TLN2: variants seen among roughly 807,000 people sequenced by gnomAD.
The protein encoded by TLN2 is talin 2, also known as talin-2.
In TLN2, 118 loss-of-function variants were observed where a neutral mutation model predicts 294.7. The ratio of observed to expected loss-of-function variants is 0.40; its 90% CI spans 0.34 to 0.47. The LOEUF is 0.47. TLN2 is among the 20% of genes least tolerant of loss of function. The probability of loss-of-function intolerance (pLI) is 0.84; values close to 1 mark genes in which losing one functional copy is unlikely to be tolerated. For synonymous variants in TLN2, 1,431 were observed against 1,304.5 expected (o/e 1.10, Z -2.09); for missense variants, 3,083 against 3,282.2 (o/e 0.94, Z 1.48).
intron 12 of TLN2, among the ~76,000 whole-genome samples, chr15:62,688,416 A>G (rs1403831217): frequency 2.6e-5 from 4 of 152,134 alleles, no homozygotes; most frequent in African/African-American, 7.2e-5. Context: ...TTGTTTTTAT[A>G]TCCCAGGATA....
rs149758958 is a variant in TLN2 at position 62,772,157 on chromosome 15, A to G, written c.5367+1023A>G. Among the ~76,000 whole-genome samples, 243 of 152,056 alleles carry G rather than the reference A, an allele frequency of 1.6e-3. 1 individual carries two copies. The highest frequency in any genetic ancestry group is 5.6e-3 in the African/African-American group (233 of 41,446). ...TTAATTAGAGGTGGGGGGTCTCACT[A>G]TGTTGCCCAGGCTCATCTCAAACTC... is the stretch of plus-strand genomic sequence containing the variant. On this transcript the variant is annotated intron_variant, in intron 42 of 58. Transcript: ENST00000636159.
chr15:62,463,699 C>CA (rs549513259), intron 1 of TLN2, among the ~76,000 whole-genome samples: 24 of 152,264 alleles, frequency 1.6e-4, no homozygotes, highest in Admixed American at 1.4e-3. Context: ...TCCTGGCTAA[C>CA]ACGGTGAAAC....
At chr15:62,666,964 T>C (rs561416612) in intron 9 of TLN2, among the ~76,000 whole-genome samples, 1 of 152,242 alleles carries the variant, frequency 6.6e-6, no homozygotes, top group East Asian at 1.9e-4. Context: ...CACTGGCATT[T>C]CTTTTTCTTT....
chr15:62,532,034 T>TTTTTTC (rs1360572066), intron 1 of TLN2, among the ~76,000 whole-genome samples: 6 of 146,518 alleles, frequency 4.1e-5, no homozygotes, highest in African/African-American at 1.6e-4. Context: ...TTTTTTTTAC[T>TTTTTTC]TTTTTCTTTT....
At chr15:62,688,229 G>A (rs553895674) in intron 12 of TLN2, among the ~76,000 whole-genome samples, 4 of 152,224 alleles carry the variant, frequency 2.6e-5, no homozygotes, top group East Asian at 1.9e-4. Context: ...AAAGCATAAC[G>A]TCACATTAAA....
intron 42 of TLN2, among the ~76,000 whole-genome samples, chr15:62,772,751 G>A (rs1428637161): frequency 1.3e-4 from 19 of 151,384 alleles, no homozygotes; most frequent in Admixed American, 1.1e-3. Context: ...CAACCTCCGC[G>A]TCCCGGGTTC....
intron 32 of TLN2, among the ~76,000 whole-genome samples, chr15:62,744,823 G>A (rs2061529293): frequency 6.6e-6 from 1 of 152,162 alleles, no homozygotes; most frequent in Non-Finnish European, 1.5e-5. Flanking sequence ...TGGGATTCTA[G>A]GCGTGAGTCA....
chr15:62,623,323 A>C (rs1051906181), intron 3 of TLN2, among the ~76,000 whole-genome samples: 1 of 152,250 alleles, frequency 6.6e-6, no homozygotes. Flanking sequence ...TGACAAATGC[A>C]GGAAATCATT....
chr15:62,740,559 C>A lies in TLN2; in HGVS notation c.3886-71C>A, dbSNP rs1311787705. The A allele has an allele frequency of 2.5e-6, 4 of 1,596,924 alleles. No individual in the cohort carries two copies. The East Asian group carries it at 6.7e-5, about 27-fold the overall frequency. ...CCTGCCTGCATGTCAGGATGCTGCT[C>A]CTAGCTCTCTGAATGCCTCCTTCAA... is the stretch of plus-strand genomic sequence containing the variant. On this transcript the variant is annotated intron_variant, in intron 31 of 58. Transcript: ENST00000636159.
intron 1 of TLN2, among the ~76,000 whole-genome samples, chr15:62,581,321 C>G (rs1238460263): frequency 6.6e-6 from 1 of 152,138 alleles, no homozygotes; most frequent in Non-Finnish European, 1.5e-5. Flanking sequence ...CTTTTCATGA[C>G]TTGATAGCGC....
intron 1 of TLN2, among the ~76,000 whole-genome samples, chr15:62,423,942 T>G (rs866151199): frequency 2.6e-5 from 4 of 152,170 alleles, no homozygotes; most frequent in Admixed American, 2.0e-4. Flanking sequence ...ATTTGGTAAC[T>G]TTCCCTCTTT....
rs771215299 is a variant in TLN2 at position 62,796,325 on chromosome 15, A to G, written c.6050+32A>G. The G allele has an allele frequency of 1.9e-6, 3 of 1,587,298 alleles. No individual in the cohort carries two copies. The South Asian group carries it at 3.5e-5, about 18-fold the overall frequency. ...GGGGGTCCTGGACGGGGAGAGGTTC[A>G]GGCTGGCCTGCCCCTGAAACTCATG... On this transcript the variant is annotated intron_variant, in intron 47 of 58. Transcript: ENST00000636159.
intron 1 of TLN2, among the ~76,000 whole-genome samples, chr15:62,546,381 G>A (rs2041995888): frequency 6.6e-6 from 1 of 152,130 alleles, no homozygotes; most frequent in African/African-American, 2.4e-5. Flanking sequence ...ATTGGTGTTT[G>A]GTTTGCTTTT....
At chr15:62,738,178 G>A (rs761237118) in intron 29 of TLN2, 36 bp from the exon 30 acceptor site, 1 of 1,608,510 alleles carries the variant, frequency 6.2e-7, no homozygotes, top group South Asian at 1.1e-5. Flanking sequence ...AGAAATGTTT[G>A]TACTTAAAGG....
intron 2 of TLN2, among the ~76,000 whole-genome samples, chr15:62,611,954 A>G (rs1286433980): frequency 6.6e-6 from 1 of 152,220 alleles, no homozygotes; most frequent in Non-Finnish European, 1.5e-5. Context: ...CAAAGATGTC[A>G]GTGGTGTATA....
intron 9 of TLN2, among the ~76,000 whole-genome samples, chr15:62,662,753 A>G (rs1046237591): frequency 6.6e-6 from 1 of 151,622 alleles, no homozygotes; most frequent in African/African-American, 2.4e-5. Flanking sequence ...TATATTCATG[A>G]TGATGAATGC....
rs2059129714 is a variant in TLN2, at chr15:62,707,259, C to T, written c.2172+6C>T. ...AGCTTGTGGCATGTGCCAAGGTAAG[C>T]CAGCTGGCACCCCAGCCCTTTCTAC... On this transcript the variant is annotated splice_donor_region_variant and intron_variant, in intron 20 of 58. Transcript: ENST00000636159. 1 of 1,603,242 alleles carries T rather than the reference C, an allele frequency of 6.2e-7. No homozygotes were observed. The highest frequency in any genetic ancestry group is 1.1e-5 in the South Asian group (1 of 89,932).
At chr15:62,833,287 G>T in intron 54 of TLN2, 1 of 567,378 alleles carries the variant, frequency 1.8e-6, no homozygotes, top group South Asian at 2.6e-5. Flanking sequence ...ACTGTGACCC[G>T]AGGGTGGCTT....
chr15:62,515,695 TTC>T (rs1477417828), intron 1 of TLN2, among the ~76,000 whole-genome samples: 1 of 152,044 alleles, frequency 6.6e-6, no homozygotes, highest in Non-Finnish European at 1.5e-5. Context: ...TTTAAGTGCC[TTC>T]TGTGCATGTT....
Sources: gnomAD v4.1 joint callset for allele counts (sites outside exome capture counted in the v4.1 genomes callset) on GRCh38, gnomAD v4.1.1 for gene constraint, MANE v1.5 for transcripts, NCBI Gene and HGNC (gene_info 2026-07-23, HGNC 2026-07-21) for gene names.